SNX6: variants seen among roughly 807,000 people sequenced by gnomAD.
SNX6 encodes the protein sorting nexin-6.
In SNX6, 34 loss-of-function variants were observed where a neutral mutation model predicts 63.0. That is an observed-to-expected ratio of 0.54 (90% CI 0.41 to 0.72). The LOEUF is 0.72. Among genes scored for constraint, SNX6 ranks in the 30% least tolerant of loss-of-function variants. The pLI is 0.00. For synonymous variants in SNX6, 170 were observed against 164.2 expected (o/e 1.04, Z -0.27); for missense variants, 398 against 471.4 (o/e 0.84, Z 1.44).
intron 13 of SNX6, among the ~76,000 whole-genome samples, chr14:34,565,424 G>C (rs1881134142): frequency 6.6e-6 from 1 of 151,730 alleles, no homozygotes; most frequent in Non-Finnish European, 1.5e-5. Flanking sequence ...TTTAAAAATG[G>C]GAACACCATT....
At chr14:34,627,004 C>T (rs963698074) in intron 2 of SNX6, among the ~76,000 whole-genome samples, 1 of 152,114 alleles carries the variant, frequency 6.6e-6, no homozygotes, top group Non-Finnish European at 1.5e-5. Flanking sequence ...TATTTTAAAA[C>T]CCGAAATACA....
rs1355226611 is a variant in SNX6, at chr14:34,605,510, C to T, written c.392+86G>A. On this transcript the variant is annotated intron_variant, in intron 5 of 13. Coordinates refer to ENST00000362031, the MANE Select transcript of SNX6 (RefSeq NM_152233.4). The stretch of plus-strand genomic sequence containing the variant: ...GGTTTAATGATGGGATATCAGAAAA[C>T]ACCAAAAAAGGCATTAAAGCAAGCA... 3.5e-6 allele frequency: 4 copies of T among 1,157,534 alleles called. No homozygotes were observed. The South Asian group carries it at 4.9e-5, about 14-fold the overall frequency. 71.7% of individuals were successfully genotyped at this position (1,157,534 alleles called of 1,614,324 possible).
chr14:34,613,830 C>T (rs113831759), intron 2 of SNX6, among the ~76,000 whole-genome samples: 1,528 of 148,104 alleles, frequency 0.01, 31 homozygotes, highest in African/African-American at 0.036. Flanking sequence ...AATCTGGGGC[C>T]GCGTGTGGTG....
chr14:34,611,848 G>C (rs1017446827), intron 2 of SNX6, among the ~76,000 whole-genome samples: 1 of 150,784 alleles, frequency 6.6e-6, no homozygotes, highest in Non-Finnish European at 1.5e-5. Flanking sequence ...GCACAATCTC[G>C]GCTCACTGCA....
At chr14:34,569,155 A>T in intron 11 of SNX6, 1 of 777,442 alleles carries the variant, frequency 1.3e-6, no homozygotes, top group Non-Finnish European at 2.3e-6. Context: ...GTGCACTGCC[A>T]GCCAGGGGAA....
chr14:34,618,540 A>G (rs1239383823), intron 2 of SNX6, among the ~76,000 whole-genome samples: 2 of 152,100 alleles, frequency 1.3e-5, no homozygotes, highest in South Asian at 2.1e-4. Flanking sequence ...TAGTAGAGAC[A>G]AGGTTTCACC....
chr14:34,580,398 G>A, intron 10 of SNX6, among the ~76,000 whole-genome samples: 1 of 151,970 alleles, frequency 6.6e-6, no homozygotes, highest in Non-Finnish European at 1.5e-5. Context: ...GACCTCCTGG[G>A]CTCAAGAATC....
rs77145128 is a variant in SNX6, at chr14:34,572,517, A to G, written c.921+3239T>C. On this transcript the variant is annotated intron_variant, in intron 11 of 13. Coordinates refer to ENST00000362031, the MANE Select transcript of SNX6 (RefSeq NM_152233.4). Reference sequence around the variant, plus strand: ...TGAACAGTGTATTTATAAGTACCTAAGAATTCAAAGTTAAAGGGTTATAGA... The same window carrying G: ...TGAACAGTGTATTTATAAGTACCTAGGAATTCAAAGTTAAAGGGTTATAGA... Among the ~76,000 whole-genome samples, 1,503 of 152,300 alleles carry G rather than the reference A, an allele frequency of 9.9e-3. 29 individuals carry two copies. Among genetic ancestry groups the G allele is most frequent in the African/African-American group, 0.034 (1,424 of 41,564 alleles).
intron 5 of SNX6, among the ~76,000 whole-genome samples, chr14:34,603,880 C>T (rs1045114819): frequency 2.6e-5 from 4 of 152,006 alleles, no homozygotes; most frequent in South Asian, 2.1e-4. Context: ...ACCCAAACCT[C>T]GGTGAGCATA....
intron 8 of SNX6, among the ~76,000 whole-genome samples, chr14:34,590,600 G>A (rs951709970): frequency 2.6e-5 from 4 of 151,982 alleles, no homozygotes; most frequent in African/African-American, 4.8e-5. Context: ...AAAAAAGACT[G>A]ACTATCCTTG....
At chr14:34,612,591 G>A (rs1205134089) in intron 2 of SNX6, among the ~76,000 whole-genome samples, 1 of 151,892 alleles carries the variant, frequency 6.6e-6, no homozygotes, top group Non-Finnish European at 1.5e-5. Flanking sequence ...GCACAACCAG[G>A]CCCAGCTAAT....
intron 9 of SNX6, among the ~76,000 whole-genome samples, chr14:34,585,475 G>A (rs1243211268): frequency 2.0e-5 from 3 of 152,042 alleles, no homozygotes; most frequent in Admixed American, 6.6e-5. Flanking sequence ...AGCCATGATC[G>A]TGCCACTGCA....
rs1883152404 is a variant in SNX6, at chr14:34,609,721, G to T, written c.76C>A (p.Leu26Ile). 1.2e-6 allele frequency: 2 copies of T among 1,611,264 alleles called. No individual in the cohort carries two copies. The highest frequency in any genetic ancestry group is 2.2e-5 in the East Asian group (1 of 44,820). The stretch of plus-strand genomic sequence containing the variant: ...ACCTGCAGAGCAGCATCACTTTGAA[G>T]ATCTACATTTATTGCTTTAAGCTAG... ...DRGLKAINVD[L>I]QSDAALQVDI... Residue 26 changes from leucine (L) to isoleucine (I), a missense_variant, in exon 3 of 14, where the codon CTT becomes ATT. Physicochemically the swap from Leu to Ile is conservative, Grantham distance 5. Coordinates refer to ENST00000362031, the MANE Select transcript of SNX6 (RefSeq NM_152233.4).
At chr14:34,591,589 C>A (rs1882395634) in intron 8 of SNX6, among the ~76,000 whole-genome samples, 1 of 151,596 alleles carries the variant, frequency 6.6e-6, no homozygotes, top group African/African-American at 2.4e-5. Context: ...AACAGAGACT[C>A]CGCCTCAAAA....
chr14:34,627,432 C>T (rs950985444), intron 2 of SNX6, among the ~76,000 whole-genome samples: 94 of 150,122 alleles, frequency 6.3e-4, no homozygotes, highest in Non-Finnish European at 1.0e-3. Flanking sequence ...TCGGCCTGGG[C>T]GAAAGAGCGA....
chr14:34,585,473 T>C (rs888457846), intron 9 of SNX6, among the ~76,000 whole-genome samples: 1 of 152,194 alleles, frequency 6.6e-6, no homozygotes, highest in East Asian at 1.9e-4. Flanking sequence ...AGAGCCATGA[T>C]CGTGCCACTG....
chr14:34,618,057 G>A lies in SNX6; in HGVS notation c.55-8315C>T, dbSNP rs148097374. On this transcript the variant is annotated intron_variant, in intron 2 of 13. Coordinates refer to ENST00000362031, the MANE Select transcript of SNX6 (RefSeq NM_152233.4). ...ACAGCAAAGCAAATGTAGAGAGATG[G>A]ATGAGTGGATGGGATGGGGCAAAGA... Among the ~76,000 whole-genome samples, 354 of 152,274 alleles carry A rather than the reference G, an allele frequency of 2.3e-3. 1 individual carries two copies. Among genetic ancestry groups the A allele is most frequent in the African/African-American group, 8.1e-3 (336 of 41,566 alleles).
intron 2 of SNX6, among the ~76,000 whole-genome samples, chr14:34,622,204 C>G (rs4347522): frequency 6.7e-6 from 1 of 149,332 alleles, no homozygotes; most frequent in Non-Finnish European, 1.5e-5. Context: ...TCAGGTGATC[C>G]GCCCACCTCG....
chr14:34,571,172 G>T (rs1430164222), intron 11 of SNX6, among the ~76,000 whole-genome samples: 1 of 151,726 alleles, frequency 6.6e-6, no homozygotes, highest in South Asian at 2.1e-4. Flanking sequence ...AGTGGCTCAC[G>T]TCTGTAATCC....
Sources: gnomAD v4.1 joint callset for allele counts (sites outside exome capture counted in the v4.1 genomes callset) on GRCh38, gnomAD v4.1.1 for gene constraint, MANE v1.5 for transcripts, NCBI Gene and HGNC (gene_info 2026-07-23, HGNC 2026-07-21) for gene names.